Variants in MAP3K5 observed in about 807,000 individuals in gnomAD.
MAP3K5 encodes mitogen-activated protein kinase kinase kinase 5.
MAP3K5 carries 56 observed loss-of-function variants against 158.7 expected under a neutral mutation model. That is an observed-to-expected ratio of 0.35 (90% confidence interval 0.28 to 0.44). The LOEUF is 0.44. MAP3K5 is among the 20% of genes least tolerant of loss of function. The pLI, the probability that MAP3K5 is intolerant of heterozygous loss-of-function variation, is 1.00. For synonymous variants in MAP3K5, 579 were observed against 601.7 expected, an observed-to-expected ratio of 0.96 and a Z score of 0.55; for missense variants, 1,294 against 1,674.8, an observed-to-expected ratio of 0.77 and a Z score of 3.97.
chr6:136,626,817 T>A (rs1404639550), intron 14 of MAP3K5, among the ~76,000 whole-genome samples: 3 of 149,892 alleles, frequency 2.0e-5, no homozygotes, highest in South Asian at 2.1e-4. Flanking sequence ...ACCTCACTTA[T>A]CATCATAAGC....
chr6:136,723,583 A>C (rs2114792849), intron 1 of MAP3K5, among the ~76,000 whole-genome samples: 1 of 152,308 alleles, frequency 6.6e-6, no homozygotes, highest in Non-Finnish European at 1.5e-5. Context: ...TTCACAATTT[A>C]GGAATCTATC....
At chr6:136,753,450 T>C (rs1302747320) in intron 1 of MAP3K5, among the ~76,000 whole-genome samples, 1 of 151,868 alleles carries the variant, frequency 6.6e-6, no homozygotes, top group Non-Finnish European at 1.5e-5. Context: ...TTATAAATTA[T>C]AGAAAGGGAA....
intron 14 of MAP3K5, among the ~76,000 whole-genome samples, chr6:136,635,864 G>A (rs996028296): frequency 1.3e-5 from 2 of 151,816 alleles, no homozygotes; most frequent in Non-Finnish European, 2.9e-5. Context: ...CCTCCAGCCC[G>A]GGTAACACAG....
intron 1 of MAP3K5, among the ~76,000 whole-genome samples, chr6:136,753,299 C>G (rs1783306842): frequency 1.3e-5 from 2 of 152,136 alleles, no homozygotes; most frequent in South Asian, 4.2e-4. Flanking sequence ...CAAGTGAACA[C>G]AGGAATTCCC....
At chr6:136,578,799 G>A (rs1014100657) in intron 25 of MAP3K5, among the ~76,000 whole-genome samples, 1 of 152,152 alleles carries the variant, frequency 6.6e-6, no homozygotes, top group Admixed American at 6.5e-5. Flanking sequence ...TCTATGAGAA[G>A]AGAGGGAATT....
chr6:136,609,780 G>A lies in MAP3K5; in HGVS notation c.2521+1502C>T, dbSNP rs1222383313. On this transcript the variant is annotated intron_variant, in intron 18 of 29. Coordinates refer to ENST00000359015, the MANE Select transcript of MAP3K5 (RefSeq NM_005923.4). The surrounding 1 kb of genome is among the most constrained non-coding windows in gnomAD (Gnocchi z 4.4). ...ACTGTACTTCAGCCTGGGTTACAGA[G>A]CGAGAACCCATCTCAAAAGAAAAAA... is the stretch of plus-strand genomic sequence containing the variant. Among the ~76,000 whole-genome samples the A allele has an allele frequency of 1.3e-5, 2 of 151,592 alleles. No homozygotes were observed.
chr6:136,604,218 A>T (rs1358835127), intron 19 of MAP3K5, among the ~76,000 whole-genome samples: 1 of 151,958 alleles, frequency 6.6e-6, no homozygotes, highest in Non-Finnish European at 1.5e-5. Context: ...GCTACTCAGG[A>T]GGCTGAGGCA....
At chr6:136,655,802 GA>G (rs949601857) in intron 10 of MAP3K5, among the ~76,000 whole-genome samples, 1 of 152,084 alleles carries the variant, frequency 6.6e-6, no homozygotes, top group Non-Finnish European at 1.5e-5. Context: ...CTGCAGACCA[GA>G]AACTGCAAGT....
At chr6:136,710,093 G>A (rs1432728001) in intron 2 of MAP3K5, among the ~76,000 whole-genome samples, 1 of 152,188 alleles carries the variant, frequency 6.6e-6, no homozygotes, top group African/African-American at 2.4e-5. Flanking sequence ...CTTTAATGGA[G>A]CAAAGGTACT....
At chr6:136,568,003 T>C in intron 25 of MAP3K5, 129 bp from the exon 26 acceptor site, 1 of 978,514 alleles carries the variant, frequency 1.0e-6, no homozygotes, top group Non-Finnish European at 1.5e-6. Context: ...TTTCCAAAAG[T>C]GAGGATGGAT....
At position 136,571,294 on chromosome 6, in the gene MAP3K5, C is replaced by T. The variant is rs897474739; in HGVS notation, c.3518-3420G>A. Among the ~76,000 whole-genome samples, 5 of 152,126 alleles carry T rather than the reference C, an allele frequency of 3.3e-5. No homozygotes were observed. In the East Asian group the frequency reaches 5.8e-4, roughly 18 times the overall value. ...CCGTGTACCTTATTCTTCTTGGTCA[C>T]GGGACAAGAACCCAGAACTCACTGA... On this transcript the variant is annotated intron_variant, in intron 25 of 29. Coordinates refer to ENST00000359015, the MANE Select transcript of MAP3K5 (RefSeq NM_005923.4).
chr6:136,655,406 A>G (rs115821112), intron 10 of MAP3K5, among the ~76,000 whole-genome samples: 3 of 152,384 alleles, frequency 2.0e-5, no homozygotes, highest in Admixed American at 1.3e-4. Flanking sequence ...TCAAGGCTTC[A>G]TCTGGAAGCA....
rs1776056645 is a variant in MAP3K5, at chr6:136,605,346, G to A, written c.2542C>T (p.Pro848Ser). 1 of 1,613,554 alleles carries A rather than the reference G, an allele frequency of 6.2e-7. No homozygotes were observed. The highest frequency in any genetic ancestry group is 8.5e-7 in the Non-Finnish European group (1 of 1,179,790). ...TFTGTLQYMA[P>S]EIIDKGPRGY... ...CTTGGTCCTTTATCTATTATTTCTG[G>A]TGCCATATACTGGAGGGTACCTGGA... is the stretch of plus-strand genomic sequence containing the variant. Residue 848 changes from proline to serine, a missense_variant, in exon 19 of 30, where the codon CCA becomes TCA. Pro to Ser is a moderately conservative substitution (Grantham distance 74, BLOSUM62 -1). This residue lies in a region of MAP3K5 where 362 missense variants were observed against 463.2 expected (regional missense o/e 0.78). Transcript: ENST00000359015.
At chr6:136,673,485 A>G (rs1409090393) in intron 7 of MAP3K5, among the ~76,000 whole-genome samples, 3 of 152,198 alleles carry the variant, frequency 2.0e-5, no homozygotes, top group African/African-American at 2.4e-5. Flanking sequence ...TATGACAAAT[A>G]CGGTAAAGAA....
intron 9 of MAP3K5, 149 bp downstream of exon 9, chr6:136,659,070 C>A: frequency 1.3e-6 from 1 of 745,526 alleles, no homozygotes; most frequent in Non-Finnish European, 2.1e-6. Flanking sequence ...ATGTGTAACA[C>A]GTTTTATGAA....
intron 10 of MAP3K5, chr6:136,656,047 G>A (rs149537290): frequency 1.1e-4 from 46 of 414,730 alleles, no homozygotes; most frequent in African/African-American, 7.6e-4. Context: ...GCATTGCTTA[G>A]GAAGTACACT....
At chr6:136,735,220 C>T (rs780637552) in intron 1 of MAP3K5, among the ~76,000 whole-genome samples, 26 of 152,098 alleles carry the variant, frequency 1.7e-4, no homozygotes, top group Non-Finnish European at 3.7e-4. Flanking sequence ...AGCAGTGTAA[C>T]ATGGTGATAC....
chr6:136,756,999 T>C (rs529599387), intron 1 of MAP3K5, among the ~76,000 whole-genome samples: 4 of 152,308 alleles, frequency 2.6e-5, no homozygotes, highest in African/African-American at 9.6e-5. Flanking sequence ...AGTATCTCTA[T>C]GGTTTTCCAG....
chr6:136,608,929 C>T (rs1776215833), intron 18 of MAP3K5, among the ~76,000 whole-genome samples: 1 of 152,286 alleles, frequency 6.6e-6, no homozygotes, highest in African/African-American at 2.4e-5. Flanking sequence ...TTAGTGACCA[C>T]CAAGTTCACG....
Sources: allele counts gnomAD v4.1 joint callset (sites outside exome capture counted in the v4.1 genomes callset), GRCh38; gene constraint gnomAD v4.1.1; regional missense constraint gnomAD v4.1.1; non-coding constraint Gnocchi (gnomAD v3.1); transcripts MANE v1.5; gene names NCBI Gene and HGNC (gene_info 2026-07-23, HGNC 2026-07-21).